SYN3: variants seen among roughly 807,000 people sequenced by gnomAD.
The protein encoded by SYN3 is synapsin-3.
SYN3 carries 35 observed loss-of-function variants against 65.8 expected under a neutral mutation model. The observed-to-expected ratio is 0.53, with a 90% CI of 0.41 to 0.70. The LOEUF (loss-of-function observed/expected upper bound fraction) is 0.70, where lower values mean the gene tolerates loss of function less well. Among genes scored for constraint, SYN3 ranks in the 30% least tolerant of loss-of-function variants. SYN3 has a pLI of 0.00. For synonymous variants in SYN3, 270 were observed against 292.9 expected (o/e 0.92, Z 0.80); for missense variants, 680 against 749.0 (o/e 0.91, Z 1.08).
At chr22:32,976,276 T>C (rs943120757) in intron 3 of SYN3, among the ~76,000 whole-genome samples, 4 of 152,134 alleles carry the variant, frequency 2.6e-5, no homozygotes, top group African/African-American at 7.2e-5. Context: ...CTTCATTGGA[T>C]TGGGAGTTGC....
intron 6 of SYN3, among the ~76,000 whole-genome samples, chr22:32,692,947 C>T (rs1176638264): frequency 6.6e-6 from 1 of 152,080 alleles, no homozygotes; most frequent in Admixed American, 6.6e-5. Flanking sequence ...ATTTGGAGGG[C>T]TCCCAGAAAT....
At chr22:32,973,004 G>A (rs1162875197) in intron 3 of SYN3, among the ~76,000 whole-genome samples, 1 of 152,096 alleles carries the variant, frequency 6.6e-6, no homozygotes, top group African/African-American at 2.4e-5. Flanking sequence ...GGGGGACCCT[G>A]TCTCAAAAAC....
intron 3 of SYN3, among the ~76,000 whole-genome samples, chr22:32,960,438 C>G (rs980823729): frequency 2.6e-5 from 4 of 152,168 alleles, no homozygotes; most frequent in African/African-American, 9.7e-5. Flanking sequence ...TAAAAGCTCT[C>G]GCCCACATCT....
At chr22:32,563,999 T>C (rs1226915477) in intron 7 of SYN3, among the ~76,000 whole-genome samples, 1 of 151,654 alleles carries the variant, frequency 6.6e-6, no homozygotes, top group African/African-American at 2.4e-5. Context: ...GGAAGTGAGG[T>C]AGCCAGTTCT....
chr22:32,927,514 G>T (rs932332284), intron 4 of SYN3, among the ~76,000 whole-genome samples: 4 of 151,946 alleles, frequency 2.6e-5, no homozygotes, highest in African/African-American at 4.8e-5. Flanking sequence ...CTCCCAAAGT[G>T]CTGGGATTTA....
At chr22:32,805,478 T>G (rs2046705035) in intron 6 of SYN3, among the ~76,000 whole-genome samples, 1 of 152,108 alleles carries the variant, frequency 6.6e-6, no homozygotes, top group Non-Finnish European at 1.5e-5. Context: ...CGCCAGCACT[T>G]GGTAGGGCAA....
intron 7 of SYN3, among the ~76,000 whole-genome samples, chr22:32,565,004 G>C (rs984239191): frequency 6.7e-6 from 1 of 149,340 alleles, no homozygotes; most frequent in African/African-American, 2.5e-5. Flanking sequence ...AGTGCTCCCG[G>C]ACTGCACCCA....
intron 6 of SYN3, among the ~76,000 whole-genome samples, chr22:32,615,134 G>A (rs1199063572): frequency 2.0e-5 from 3 of 152,164 alleles, no homozygotes; most frequent in Non-Finnish European, 4.4e-5. Context: ...ATGGGAGGCC[G>A]GGTGCGAGTG....
chr22:33,034,186 A>T (rs1257281531), intron 1 of SYN3, among the ~76,000 whole-genome samples: 1 of 135,686 alleles, frequency 7.4e-6, no homozygotes, highest in Non-Finnish European at 1.6e-5. Flanking sequence ...ACTCTGTGTT[A>T]AAAAAAAACA....
chr22:32,802,102 C>T, intron 6 of SYN3: 4 of 1,582,262 alleles, frequency 2.5e-6, no homozygotes, highest in Non-Finnish European at 3.4e-6. Context: ...CCCCAGGACG[C>T]CTTCTGCAAC....
intron 3 of SYN3, among the ~76,000 whole-genome samples, chr22:32,948,941 G>T (rs2051200585): frequency 6.6e-6 from 1 of 151,620 alleles, no homozygotes. Flanking sequence ...GGAGATACAG[G>T]TTGAACATTC....
rs145083402 is a variant in SYN3, at chr22:32,836,984, G to A, written c.711+27931C>T. On this transcript the variant is annotated intron_variant, in intron 6 of 13. Coordinates refer to ENST00000358763, the MANE Select transcript of SYN3 (RefSeq NM_003490.4). ...TGCTGTCTGCAAAGGCTGCATCTGCGGGTCTGGCGTGCAAAGGAGGGTGGT... is the reference window on the plus strand; with the variant it reads ...TGCTGTCTGCAAAGGCTGCATCTGCAGGTCTGGCGTGCAAAGGAGGGTGGT... Among the ~76,000 whole-genome samples the A allele has an allele frequency of 2.5e-4, 38 of 152,312 alleles. 1 individual carries two copies. Among genetic ancestry groups the A allele is most frequent in the African/African-American group, 7.5e-4 (31 of 41,556 alleles).
chr22:32,667,583 T>G (rs1381134315), intron 6 of SYN3, among the ~76,000 whole-genome samples: 1 of 152,174 alleles, frequency 6.6e-6, no homozygotes, highest in Non-Finnish European at 1.5e-5. Context: ...TCAAAGGGGA[T>G]GCACATTTTT....
chr22:33,048,985 C>T (rs995768813), intron 1 of SYN3, among the ~76,000 whole-genome samples: 1 of 152,140 alleles, frequency 6.6e-6, no homozygotes, highest in Admixed American at 6.5e-5. Context: ...TTTTCTACTT[C>T]TTTTGCTGTA....
chr22:32,588,707 G>A (rs925327146), intron 7 of SYN3, among the ~76,000 whole-genome samples: 2 of 152,190 alleles, frequency 1.3e-5, no homozygotes, highest in Admixed American at 1.3e-4. Context: ...ACAGTAAATA[G>A]TAAATCCAGA....
intron 1 of SYN3, among the ~76,000 whole-genome samples, chr22:33,051,190 C>T (rs1272044103): frequency 6.6e-6 from 1 of 152,128 alleles, no homozygotes; most frequent in Non-Finnish European, 1.5e-5. Flanking sequence ...TGGCAAACAC[C>T]AAGGACCACA....
intron 7 of SYN3, among the ~76,000 whole-genome samples, chr22:32,546,011 C>G (rs2058331302): frequency 6.6e-6 from 1 of 152,110 alleles, no homozygotes; most frequent in African/African-American, 2.4e-5. Context: ...CTCACTGCAG[C>G]CTTGAACTTC....
chr22:32,695,680 C>A (rs2060726566), intron 6 of SYN3, among the ~76,000 whole-genome samples: 1 of 152,198 alleles, frequency 6.6e-6, no homozygotes, highest in Admixed American at 6.5e-5. Context: ...TTCCACCTCA[C>A]CTCTAAGACA....
chr22:32,782,678 C>T (rs887188488), intron 6 of SYN3, among the ~76,000 whole-genome samples: 8 of 151,950 alleles, frequency 5.3e-5, no homozygotes, highest in Non-Finnish European at 8.8e-5. Flanking sequence ...CCACCACAGC[C>T]GGCTAATTTT....
Sources: allele counts gnomAD v4.1 joint callset (sites outside exome capture counted in the v4.1 genomes callset), GRCh38; gene constraint gnomAD v4.1.1; transcripts MANE v1.5; gene names NCBI Gene and HGNC (gene_info 2026-07-23, HGNC 2026-07-21).